GRM5: variants seen among roughly 807,000 people sequenced by gnomAD.
GRM5 encodes the protein metabotropic glutamate receptor 5.
In GRM5, 19 loss-of-function variants were observed where a neutral mutation model predicts 83.1. That is an observed-to-expected ratio of 0.23 (90% CI 0.16 to 0.34). GRM5 has a LOEUF of 0.34. Ranked by LOEUF, GRM5 falls within the 10% of genes least tolerant of loss-of-function variation. The pLI is 1.00. For missense variants in GRM5, 1,160 were observed against 1,588.3 expected, an observed-to-expected ratio of 0.73 and a Z score of 4.58; for synonymous variants, 675 against 633.6, an observed-to-expected ratio of 1.07 and a Z score of -0.98.
intron 8 of GRM5, among the ~76,000 whole-genome samples, chr11:88,553,143 T>C (rs544181692): frequency 1.4e-4 from 22 of 152,330 alleles, no homozygotes; most frequent in African/African-American, 5.1e-4. Flanking sequence ...GTTGGACTTC[T>C]GTTGTGAGTG....
At chr11:88,522,050 G>A (rs538212201) in intron 9 of GRM5, among the ~76,000 whole-genome samples, 48 of 152,202 alleles carry the variant, frequency 3.2e-4, no homozygotes, top group African/African-American at 8.4e-4. Context: ...TGACACTCTC[G>A]GTTTTCTGTG....
At chr11:88,956,484 C>T (rs1462672534) in intron 2 of GRM5, among the ~76,000 whole-genome samples, 1 of 152,104 alleles carries the variant, frequency 6.6e-6, no homozygotes, top group Non-Finnish European at 1.5e-5. Flanking sequence ...TCATAGTCTC[C>T]TAGGAAAGGC....
chr11:88,687,992 T>C lies in GRM5; in HGVS notation c.912-34589A>G, dbSNP rs188519498. Among the ~76,000 whole-genome samples the C allele has an allele frequency of 3.3e-5, 5 of 152,276 alleles. No individual in the cohort carries two copies. In the East Asian group the frequency reaches 7.7e-4, roughly 24 times the overall value. On this transcript the variant is annotated intron_variant, in intron 3 of 9. Transcript: ENST00000305447. ...TTTAACCTTGATTTAATTTTTAATCTTTTGCTTTCCTTCACTACATGTATT... is the reference window on the plus strand; with the variant it reads ...TTTAACCTTGATTTAATTTTTAATCCTTTGCTTTCCTTCACTACATGTATT...
chr11:88,979,134 T>C (rs980450291), intron 2 of GRM5, among the ~76,000 whole-genome samples: 2 of 152,138 alleles, frequency 1.3e-5, no homozygotes, highest in Non-Finnish European at 2.9e-5. Context: ...ACCTAATGAA[T>C]AATGGGAAAG....
intron 3 of GRM5, among the ~76,000 whole-genome samples, chr11:88,727,592 C>T (rs1304199817): frequency 2.0e-5 from 3 of 152,194 alleles, no homozygotes; most frequent in Non-Finnish European, 4.4e-5. Flanking sequence ...ACATTCTTCT[C>T]AGCACCACAT....
chr11:88,737,329 A>G (rs1457673306), intron 3 of GRM5, among the ~76,000 whole-genome samples: 1 of 152,050 alleles, frequency 6.6e-6, no homozygotes, highest in African/African-American at 2.4e-5. Flanking sequence ...CTCTACAGCT[A>G]TGTTGAAGTC....
chr11:88,594,401 T>C (rs986597382), intron 6 of GRM5, among the ~76,000 whole-genome samples: 3 of 152,202 alleles, frequency 2.0e-5, no homozygotes, highest in African/African-American at 7.2e-5. Flanking sequence ...CAGTCTCTAT[T>C]GCAACTCAGC....
At chr11:89,051,030 C>A (rs528475805) in intron 1 of GRM5, among the ~76,000 whole-genome samples, 1 of 151,964 alleles carries the variant, frequency 6.6e-6, no homozygotes, top group Non-Finnish European at 1.5e-5. Flanking sequence ...TGAAATAATA[C>A]GTACAACAAA....
chr11:88,622,466 T>G (rs1203166255), intron 4 of GRM5, among the ~76,000 whole-genome samples: 1 of 152,224 alleles, frequency 6.6e-6, no homozygotes, highest in Non-Finnish European at 1.5e-5. Flanking sequence ...AAGAAACTGC[T>G]TAAATACACT....
At chr11:88,781,473 C>T (rs1206186687) in intron 3 of GRM5, among the ~76,000 whole-genome samples, 1 of 152,100 alleles carries the variant, frequency 6.6e-6, no homozygotes, top group Non-Finnish European at 1.5e-5. Flanking sequence ...ACCTCTATGC[C>T]CATATTTATG....
At chr11:88,635,937 T>G (rs1020373889) in intron 4 of GRM5, among the ~76,000 whole-genome samples, 1 of 152,232 alleles carries the variant, frequency 6.6e-6, no homozygotes, top group Non-Finnish European at 1.5e-5. Flanking sequence ...TATTAAAATT[T>G]TAGTTTCTAA....
chr11:88,757,043 A>G (rs570286273), intron 3 of GRM5, among the ~76,000 whole-genome samples: 43 of 152,316 alleles, frequency 2.8e-4, no homozygotes, highest in African/African-American at 9.1e-4. Context: ...ACAATCAGAA[A>G]TAAGTGGCTC....
intron 3 of GRM5, among the ~76,000 whole-genome samples, chr11:88,725,621 C>A (rs1941660380): frequency 6.6e-6 from 1 of 152,144 alleles, no homozygotes; most frequent in Non-Finnish European, 1.5e-5. Flanking sequence ...TCGACAGACA[C>A]CTCATACAGG....
chr11:88,660,712 C>A (rs139637656), intron 3 of GRM5, among the ~76,000 whole-genome samples: 1 of 152,162 alleles, frequency 6.6e-6, no homozygotes, highest in Non-Finnish European at 1.5e-5. Flanking sequence ...ACTGCTGAGA[C>A]GAACCTCACA....
At chr11:88,611,946 A>AATTT (rs536731491) in intron 4 of GRM5, among the ~76,000 whole-genome samples, 65 of 151,724 alleles carry the variant, frequency 4.3e-4, no homozygotes, top group Middle Eastern at 3.4e-3. Context: ...AGTTTCAAAG[A>AATTT]ATTTATTTAT....
chr11:89,010,711 C>T (rs1051501101), intron 2 of GRM5, among the ~76,000 whole-genome samples: 1 of 150,964 alleles, frequency 6.6e-6, no homozygotes, highest in Non-Finnish European at 1.5e-5. Context: ...TAAGTGGAAA[C>T]ACAGAGAGCC....
At chr11:88,617,409 AC>A (rs1213825521) in intron 4 of GRM5, among the ~76,000 whole-genome samples, 4 of 152,138 alleles carry the variant, frequency 2.6e-5, no homozygotes, top group Non-Finnish European at 4.4e-5. Flanking sequence ...AGTTTCTTGG[AC>A]CTTTTTCCCC....
At chr11:88,884,463 T>A (rs999862102) in intron 2 of GRM5, among the ~76,000 whole-genome samples, 1 of 152,212 alleles carries the variant, frequency 6.6e-6, no homozygotes, top group Non-Finnish European at 1.5e-5. Context: ...ATGCCTTGTC[T>A]CAGATGAGAC....
At chr11:88,550,265 T>C (rs1942475845) in intron 8 of GRM5, among the ~76,000 whole-genome samples, 1 of 152,138 alleles carries the variant, frequency 6.6e-6, no homozygotes, top group South Asian at 2.1e-4. Context: ...ATTCTAAAAA[T>C]TGACTTAAGT....
Sources: gnomAD v4.1 joint callset for allele counts (sites outside exome capture counted in the v4.1 genomes callset) on GRCh38, gnomAD v4.1.1 for gene constraint, MANE v1.5 for transcripts, NCBI Gene and HGNC (gene_info 2026-07-23, HGNC 2026-07-21) for gene names.